The following TCF12 variants were observed in gnomAD, a reference collection of about 807,000 sequenced individuals.
TCF12 encodes the protein transcription factor 12.
TCF12 carries 45 observed loss-of-function variants against 86.0 expected under a neutral mutation model. The observed-to-expected ratio is 0.52, with a 90% CI of 0.41 to 0.67. The LOEUF (loss-of-function observed/expected upper bound fraction) is 0.67. Ranked by LOEUF, TCF12 falls within the 30% of genes least tolerant of loss-of-function variation. TCF12 has a pLI of 0.00. For synonymous variants in TCF12, 330 were observed against 299.6 expected (o/e 1.10, Z -1.05); for missense variants, 881 against 859.9 (o/e 1.02, Z -0.31).
intron 3 of TCF12, among the ~76,000 whole-genome samples, chr15:56,989,614 G>T (rs1191615634): frequency 1.3e-5 from 2 of 152,218 alleles, no homozygotes; most frequent in East Asian, 3.8e-4. Flanking sequence ...GAGACAGCGT[G>T]TGTTAAAACC....
intron 3 of TCF12, among the ~76,000 whole-genome samples, chr15:57,014,320 A>G (rs1462055145): frequency 6.6e-6 from 1 of 152,104 alleles, no homozygotes; most frequent in Non-Finnish European, 1.5e-5. Flanking sequence ...AAGCCACTCT[A>G]CAGTGGGCTG....
At chr15:57,095,793 T>C (rs1469037155) in intron 5 of TCF12, among the ~76,000 whole-genome samples, 1 of 152,214 alleles carries the variant, frequency 6.6e-6, no homozygotes, top group Non-Finnish European at 1.5e-5. Flanking sequence ...AGGGTAATGC[T>C]GGGAATTCTC....
chr15:57,006,507 G>A (rs543125599), intron 3 of TCF12, among the ~76,000 whole-genome samples: 7 of 152,156 alleles, frequency 4.6e-5, no homozygotes, highest in African/African-American at 1.7e-4. Context: ...GTTTCACCAT[G>A]TTGGCCAGGG....
intron 3 of TCF12, among the ~76,000 whole-genome samples, chr15:56,999,905 TA>T (rs1211612071): frequency 6.6e-6 from 1 of 151,782 alleles, no homozygotes; most frequent in African/African-American, 2.4e-5. Context: ...TCATAATTAA[TA>T]AAAAAAGAAA....
intron 4 of TCF12, among the ~76,000 whole-genome samples, chr15:57,070,609 T>TA (rs2069288713): frequency 1.3e-5 from 2 of 152,236 alleles, no homozygotes; most frequent in African/African-American, 2.4e-5. Flanking sequence ...TCCTGCCAGA[T>TA]ATGGCTAAAG....
intron 3 of TCF12, among the ~76,000 whole-genome samples, chr15:57,052,404 G>C (rs12909811): frequency 0.38 from 58,373 of 151,648 alleles, 13,955 homozygotes; most frequent in Non-Finnish European, 0.53. Flanking sequence ...TTGGGAGGCA[G>C]AGGCAGGTGG....
At chr15:57,032,898 A>T (rs1238339046) in intron 3 of TCF12, among the ~76,000 whole-genome samples, 2 of 152,258 alleles carry the variant, frequency 1.3e-5, no homozygotes, top group Non-Finnish European at 2.9e-5. Flanking sequence ...TGACAAAGAC[A>T]TTAAACCCTC....
chr15:57,011,380 C>A (rs79422565), intron 3 of TCF12, among the ~76,000 whole-genome samples: 13 of 151,958 alleles, frequency 8.6e-5, no homozygotes, highest in Admixed American at 2.6e-4. Flanking sequence ...GAGACACCTG[C>A]CCCCCGCTTT....
chr15:57,023,988 A>G (rs1227740908), intron 3 of TCF12, among the ~76,000 whole-genome samples: 1 of 152,114 alleles, frequency 6.6e-6, no homozygotes, highest in Non-Finnish European at 1.5e-5. Context: ...CACTGATCTG[A>G]CAGGAGGTGG....
intron 4 of TCF12, among the ~76,000 whole-genome samples, chr15:57,067,929 C>A (rs1440436353): frequency 6.6e-6 from 1 of 152,150 alleles, no homozygotes; most frequent in Non-Finnish European, 1.5e-5. Context: ...CCCTCTCTCC[C>A]TTGCTTTTTA....
chr15:56,963,951 A>C (rs1476226345), intron 3 of TCF12, among the ~76,000 whole-genome samples: 1 of 152,182 alleles, frequency 6.6e-6, no homozygotes, highest in Non-Finnish European at 1.5e-5. Flanking sequence ...GGTCTTTTGA[A>C]GTGCTGGGTG....
chr15:57,229,760 T>C (rs1212469691), intron 8 of TCF12, among the ~76,000 whole-genome samples: 1 of 151,922 alleles, frequency 6.6e-6, no homozygotes, highest in Non-Finnish European at 1.5e-5. Context: ...CTAAACATTT[T>C]ATATATAATT....
At chr15:57,104,861 GTTTTTTTTTTTT>G (rs11336613) in intron 5 of TCF12, among the ~76,000 whole-genome samples, 69 of 71,488 alleles carry the variant, frequency 9.7e-4, no homozygotes, top group Non-Finnish European at 1.3e-3. Flanking sequence ...CTTTGGTGGT[GTTTTTTTTTTTT>G]TTTTTTTTTT....
intron 3 of TCF12, among the ~76,000 whole-genome samples, chr15:57,029,149 A>C (rs1262377216): frequency 2.0e-5 from 3 of 152,152 alleles, no homozygotes; most frequent in African/African-American, 4.8e-5. Context: ...ATTGTGAAAG[A>C]GTGGTTCTTC....
At chr15:57,169,968 TA>T (rs1428082961) in intron 6 of TCF12, among the ~76,000 whole-genome samples, 1 of 152,234 alleles carries the variant, frequency 6.6e-6, no homozygotes, top group Non-Finnish European at 1.5e-5. Flanking sequence ...ATTTTAAACC[TA>T]AATGTGTAGC....
At chr15:57,024,758 A>G (rs1368385463) in intron 3 of TCF12, among the ~76,000 whole-genome samples, 1 of 152,216 alleles carries the variant, frequency 6.6e-6, no homozygotes, top group African/African-American at 2.4e-5. Context: ...AATCAGTAAT[A>G]TTGGCAGCTT....
At chr15:57,255,229 T>A (rs1328180006) in intron 16 of TCF12, among the ~76,000 whole-genome samples, 1 of 152,058 alleles carries the variant, frequency 6.6e-6, no homozygotes, top group Non-Finnish European at 1.5e-5. Flanking sequence ...AACTTCTGTC[T>A]TGAGAAAGTT....
At chr15:57,036,520 A>C (rs1267798964) in intron 3 of TCF12, among the ~76,000 whole-genome samples, 1 of 151,992 alleles carries the variant, frequency 6.6e-6, no homozygotes, top group Non-Finnish European at 1.5e-5. Flanking sequence ...ACTTGTTTTT[A>C]TCTCTTTAAT....
Position 57,289,780 on chromosome 15 carries a change from C to T in TCF12, c.*3635C>T, listed in dbSNP as rs1398732126. On this transcript the variant is annotated 3_prime_UTR_variant, in exon 21 of 21. Transcript: ENST00000333725. Reference sequence around the variant, plus strand: ...ATTGAATGAAACAATGTATGGAAAGCTCTTATGGTTCTTGTCACCTAAGAA... The same window carrying T: ...ATTGAATGAAACAATGTATGGAAAGTTCTTATGGTTCTTGTCACCTAAGAA... 2.6e-5 allele frequency: 4 copies of T among 152,084 alleles called. No homozygotes were observed. The highest frequency in any genetic ancestry group is 9.7e-5 in the African/African-American group (4 of 41,410). The allele number at this position is 152,084 out of a possible 1,614,324, so 9.4% of individuals were successfully genotyped here.
Sources: gnomAD v4.1 joint callset for allele counts (sites outside exome capture counted in the v4.1 genomes callset) on GRCh38, gnomAD v4.1.1 for gene constraint, MANE v1.5 for transcripts, NCBI Gene and HGNC (gene_info 2026-07-23, HGNC 2026-07-21) for gene names.